The following ERC1 variants were observed in gnomAD, a reference collection of about 807,000 sequenced individuals.
The protein encoded by ERC1 is ELKS/RAB6-interacting/CAST family member 1, also known as RAB6 interacting protein 2.
Under a neutral mutation model 132.0 loss-of-function variants are expected in ERC1, and 56 were observed. The observed-to-expected ratio is 0.42, with a 90% CI of 0.34 to 0.53. The LOEUF is 0.53. ERC1 is among the 20% of genes least tolerant of loss of function. The pLI is 0.03. For synonymous variants in ERC1, 478 were observed against 476.1 expected, an observed-to-expected ratio of 1.00 and a Z score of -0.05; for missense variants, 1,202 against 1,349.9, an observed-to-expected ratio of 0.89 and a Z score of 1.72.
At chr12:1,345,884 T>C (rs1270326274) in intron 15 of ERC1, among the ~76,000 whole-genome samples, 1 of 152,236 alleles carries the variant, frequency 6.6e-6, no homozygotes, top group Non-Finnish European at 1.5e-5. Context: ...GTTTTATGTT[T>C]GCATGCTTGA....
intron 7 of ERC1, among the ~76,000 whole-genome samples, chr12:1,132,878 G>A (rs1351808204): frequency 6.6e-6 from 1 of 151,124 alleles, no homozygotes; most frequent in African/African-American, 2.4e-5. Flanking sequence ...TAATTGAGAC[G>A]GAGTTTCGCT....
intron 16 of ERC1, among the ~76,000 whole-genome samples, chr12:1,400,907 TATTTTTGTA>T (rs1566774719): frequency 8.5e-5 from 8 of 94,630 alleles, no homozygotes; most frequent in African/African-American, 1.5e-4. Flanking sequence ...TTGTTTTGGC[TATTTTTGTA>T]TTTTTTTTTT....
At chr12:1,074,622 A>G (rs1256044581) in intron 2 of ERC1, among the ~76,000 whole-genome samples, 2 of 152,072 alleles carry the variant, frequency 1.3e-5, no homozygotes, top group South Asian at 2.1e-4. Flanking sequence ...TTTAACTTCT[A>G]TTCTGGGTTG....
intron 15 of ERC1, among the ~76,000 whole-genome samples, chr12:1,319,301 T>C (rs183991237): frequency 4.6e-5 from 7 of 152,320 alleles, no homozygotes. Context: ...GAGTATATTT[T>C]TTATATTCGC....
intron 18 of ERC1, among the ~76,000 whole-genome samples, chr12:1,485,483 G>C (rs572099895): frequency 2.0e-5 from 3 of 152,120 alleles, no homozygotes; most frequent in African/African-American, 7.2e-5. Flanking sequence ...GATTACAGGC[G>C]TGAGCCACTG....
At chr12:1,329,249 A>T (rs906822588) in intron 15 of ERC1, among the ~76,000 whole-genome samples, 3 of 145,152 alleles carry the variant, frequency 2.1e-5, no homozygotes, top group African/African-American at 7.8e-5. Flanking sequence ...AGCCAAGATC[A>T]CGCCACTGCA....
chr12:1,251,986 A>C (rs1297888136), intron 13 of ERC1, among the ~76,000 whole-genome samples: 1 of 151,934 alleles, frequency 6.6e-6, no homozygotes, highest in African/African-American at 2.4e-5. Flanking sequence ...TTTTTTCTTA[A>C]ATTTTATTTT....
At chr12:1,149,328 A>G (rs1302744303) in intron 8 of ERC1, among the ~76,000 whole-genome samples, 3 of 152,130 alleles carry the variant, frequency 2.0e-5, no homozygotes, top group Non-Finnish European at 4.4e-5. Flanking sequence ...AATTTTGTGT[A>G]GCACCATTGA....
intron 17 of ERC1, among the ~76,000 whole-genome samples, chr12:1,411,501 T>C (rs2091848260): frequency 6.6e-6 from 1 of 152,056 alleles, no homozygotes; most frequent in Non-Finnish European, 1.5e-5. Flanking sequence ...GGTGGGAAGC[T>C]GTCCAGATGG....
intron 1 of ERC1, among the ~76,000 whole-genome samples, chr12:1,014,150 A>G (rs140351072): frequency 8.4e-4 from 128 of 152,118 alleles, no homozygotes; most frequent in African/African-American, 2.6e-3. Flanking sequence ...TGTAGTTTAT[A>G]ATGAGACTTA....
At chr12:1,401,012 T>C (rs151244508) in intron 16 of ERC1, among the ~76,000 whole-genome samples, 4,118 of 129,026 alleles carry the variant, frequency 0.032, 68 homozygotes, top group Middle Eastern at 0.088. Context: ...CTGGGCTCAC[T>C]GCAAGCTCCA....
intron 12 of ERC1, among the ~76,000 whole-genome samples, chr12:1,231,857 C>T (rs1311003583): frequency 2.6e-5 from 4 of 151,914 alleles, no homozygotes; most frequent in African/African-American, 7.3e-5. Context: ...CTCCTGCCTC[C>T]GCCTCCCAAG....
At chr12:1,214,886 A>G (rs755600932) in intron 12 of ERC1, among the ~76,000 whole-genome samples, 2 of 152,206 alleles carry the variant, frequency 1.3e-5, no homozygotes, top group Admixed American at 6.5e-5. Flanking sequence ...GCTAAAGATC[A>G]TATAGATAAT....
At chr12:1,148,675 C>T (rs1156496006) in intron 8 of ERC1, among the ~76,000 whole-genome samples, 1 of 152,110 alleles carries the variant, frequency 6.6e-6, no homozygotes, top group African/African-American at 2.4e-5. Flanking sequence ...GATATTGGCT[C>T]CCTGCAACCT....
intron 9 of ERC1, among the ~76,000 whole-genome samples, chr12:1,181,076 G>A (rs369881272): frequency 6.6e-6 from 1 of 152,166 alleles, no homozygotes; most frequent in East Asian, 1.9e-4. Flanking sequence ...GCCTCCCAAA[G>A]TGTTGGGATT....
chr12:1,469,292 G>C (rs1241608947), intron 18 of ERC1, among the ~76,000 whole-genome samples: 1 of 152,226 alleles, frequency 6.6e-6, no homozygotes, highest in East Asian at 1.9e-4. Flanking sequence ...ACGGGCATTG[G>C]GATCGTTGGA....
intron 2 of ERC1, among the ~76,000 whole-genome samples, chr12:1,061,393 C>T (rs970641917): frequency 6.7e-5 from 10 of 148,864 alleles, no homozygotes; most frequent in African/African-American, 2.5e-4. Flanking sequence ...CCCAGGAGTT[C>T]GAGATCAGCC....
intron 7 of ERC1, among the ~76,000 whole-genome samples, chr12:1,134,667 G>A (rs930282186): frequency 1.3e-5 from 2 of 151,342 alleles, no homozygotes; most frequent in Non-Finnish European, 2.9e-5. Context: ...TTTGAGTGTA[G>A]CAAATATTGA....
rs766549878 is a variant in ERC1, at chr12:1,112,307, C to T, written c.1401+9C>T. The T allele has an allele frequency of 1.1e-5, 17 of 1,605,514 alleles. No homozygotes were observed. The East Asian group carries it at 1.1e-4, about 11-fold the overall frequency. ...CTGGTCTTCAGGCTGAGGTCTTTGC[C>T]GTAAGATTTACCTCTTTGTGTGCAG... On this transcript the variant is annotated intron_variant, in intron 6 of 18. Coordinates refer to ENST00000360905, the MANE Select transcript of ERC1 (RefSeq NM_178040.4).
Sources: gnomAD v4.1 joint callset for allele counts (sites outside exome capture counted in the v4.1 genomes callset) on GRCh38, gnomAD v4.1.1 for gene constraint, MANE v1.5 for transcripts, NCBI Gene and HGNC (gene_info 2026-07-23, HGNC 2026-07-21) for gene names.